The following TLL2 variants were observed in gnomAD, a reference collection of about 807,000 sequenced individuals.
The protein encoded by TLL2 is tolloid like 2, also known as tolloid-like protein 2.
A neutral mutation model predicts 123.0 loss-of-function variants in TLL2; 106 were observed. The ratio of observed to expected loss-of-function variants is 0.86; its 90% CI spans 0.74 to 1.01. The LOEUF (loss-of-function observed/expected upper bound fraction) is 1.01, where lower values mean the gene tolerates loss of function less well. TLL2 is among the 50% of genes least tolerant of loss of function. The pLI, the probability that TLL2 is intolerant of heterozygous loss-of-function variation, is 0.00. For synonymous variants in TLL2, 494 were observed against 516.8 expected, an observed-to-expected ratio of 0.96 and a Z score of 0.60; for missense variants, 1,332 against 1,336.7, an observed-to-expected ratio of 1.00 and a Z score of 0.06.
rs182605576 is a variant in TLL2 at position 96,426,537 on chromosome 10, G to A, written c.638+2094C>T. ...ATTCACCTGTGAAACTCTGGGTCTG[G>A]TGCTTTGTGGGAGATGGCTTTTTCC... On this transcript the variant is annotated intron_variant, in intron 5 of 20. Coordinates refer to ENST00000357947, the MANE Select transcript of TLL2 (RefSeq NM_012465.4). Among the ~76,000 whole-genome samples the A allele has an allele frequency of 6.6e-5, 10 of 152,276 alleles. 1 individual carries two copies. In the East Asian group the frequency reaches 1.7e-3, roughly 26 times the overall value.
At position 96,509,934 on chromosome 10, in the gene TLL2, G is replaced by A. The variant is rs182839825; in HGVS notation, c.175+3577C>T. Among the ~76,000 whole-genome samples, 319 of 152,200 alleles carry A rather than the reference G, an allele frequency of 2.1e-3. 1 individual carries two copies. Among genetic ancestry groups the A allele is most frequent in the African/African-American group, 6.5e-3 (269 of 41,560 alleles). ...TGCACTCCAGCCTGGGCGACAGAGCGAGACTCCGTCTCAAAAAAGTAAATA... is the reference window on the plus strand; with the variant it reads ...TGCACTCCAGCCTGGGCGACAGAGCAAGACTCCGTCTCAAAAAAGTAAATA... On this transcript the variant is annotated intron_variant, in intron 1 of 20. Coordinates refer to ENST00000357947, the MANE Select transcript of TLL2 (RefSeq NM_012465.4).
chr10:96,513,436 G>C (rs1847651465), intron 1 of TLL2, 75 bp downstream of exon 1: 3 of 1,588,448 alleles, frequency 1.9e-6, no homozygotes, highest in African/African-American at 1.3e-5. Context: ...ATAGACGGTA[G>C]TGCAGGCTTG....
intron 4 of TLL2, among the ~76,000 whole-genome samples, chr10:96,431,536 A>G (rs1846740192): frequency 6.6e-6 from 1 of 152,154 alleles, no homozygotes; most frequent in African/African-American, 2.4e-5. Context: ...GTCTCTCGGT[A>G]TGGCTTGTCA....
intron 18 of TLL2, 91 bp from the exon 19 acceptor site, chr10:96,373,900 G>C (rs1173434128): frequency 2.6e-6 from 3 of 1,138,168 alleles, no homozygotes; most frequent in Non-Finnish European, 3.8e-6. Context: ...GAAGGGGCGA[G>C]GCAGTGCAGG....
intron 2 of TLL2, among the ~76,000 whole-genome samples, chr10:96,457,633 G>A (rs1007436407): frequency 4.6e-5 from 7 of 152,272 alleles, no homozygotes; most frequent in South Asian, 2.1e-4. Context: ...GTTTCTAAGC[G>A]GGGTGCTTTC....
chr10:96,410,032 T>C (rs1310610513), intron 9 of TLL2, among the ~76,000 whole-genome samples: 2 of 152,176 alleles, frequency 1.3e-5, no homozygotes, highest in Non-Finnish European at 2.9e-5. Flanking sequence ...GCTCCCCGTG[T>C]CACCATCTTC....
intron 3 of TLL2, among the ~76,000 whole-genome samples, chr10:96,445,281 C>A (rs1846887738): frequency 6.6e-6 from 1 of 152,334 alleles, no homozygotes; most frequent in Non-Finnish European, 1.5e-5. Context: ...AGGATGCAGG[C>A]CAGACGGGAA....
Position 96,386,094 on chromosome 10 carries a change from G to A in TLL2, c.1974C>T (p.Ile658=). 1 of 1,609,620 alleles carries A rather than the reference G, an allele frequency of 6.2e-7. No individual in the cohort carries two copies. The highest frequency in any genetic ancestry group is 8.5e-7 in the Non-Finnish European group (1 of 1,178,178). ...WQVVAPAQYR[I]SLQFEVFELE... ...GTTCAAACACTTCAAACTGAAGGGA[G>A]ATCCGGTACTGAGCGGGGGCCACCA... The change falls in exon 15 of 21, where the codon ATC becomes ATT. Residue 658 remains isoleucine, a synonymous_variant. Transcript: ENST00000357947.
intron 4 of TLL2, 149 bp from the exon 5 acceptor site, chr10:96,428,897 T>C (rs1846708083): frequency 3.5e-6 from 2 of 576,152 alleles, no homozygotes; most frequent in Admixed American, 3.2e-5. Context: ...TTCTGCCTCC[T>C]GGGTTCAAGC....
intron 3 of TLL2, among the ~76,000 whole-genome samples, chr10:96,437,636 T>TG (rs1436587024): frequency 1.3e-5 from 2 of 152,200 alleles, no homozygotes; most frequent in Non-Finnish European, 2.9e-5. Context: ...GAATATCATA[T>TG]AAATAGAATC....
At chr10:96,479,541 A>C (rs1021746680) in intron 2 of TLL2, among the ~76,000 whole-genome samples, 1 of 152,342 alleles carries the variant, frequency 6.6e-6, no homozygotes, top group Admixed American at 6.5e-5. Flanking sequence ...AAGCTGCCCA[A>C]GCAGGCAGCC....
intron 1 of TLL2, among the ~76,000 whole-genome samples, chr10:96,484,045 T>C (rs1847335814): frequency 6.6e-6 from 1 of 152,206 alleles, no homozygotes; most frequent in Admixed American, 6.5e-5. Context: ...GGTTTCACCA[T>C]GTTGGCCAGG....
At position 96,375,809 on chromosome 10, in the gene TLL2, A is replaced by G. The variant is rs116908556; in HGVS notation, c.2448+883T>C. Among the ~76,000 whole-genome samples the G allele has an allele frequency of 6.9e-3, 1,052 of 152,158 alleles. 11 individuals are homozygous for G. The highest frequency in any genetic ancestry group is 0.011 in the Non-Finnish European group (724 of 67,990). ...GACTTTTCCCTCTCTGTTCTCTTCC[A>G]TTCTCCCTGAGTTATCGTCCACAGT... On this transcript the variant is annotated intron_variant, in intron 18 of 20. Coordinates refer to ENST00000357947, the MANE Select transcript of TLL2 (RefSeq NM_012465.4).
rs1026661282 is a variant in TLL2 at position 96,480,345 on chromosome 10, C to T, written c.286+4G>A. ...GGCAGGAGAAGGGAGGAAGCAGTAC[C>T]TACCTGTGCTGTGTCCTGTTGCCCC... On this transcript the variant is annotated splice_donor_region_variant and intron_variant, in intron 2 of 20. Transcript: ENST00000357947. 1.2e-6 allele frequency: 2 copies of T among 1,613,536 alleles called. No homozygotes were observed. The highest frequency in any genetic ancestry group is 1.1e-5 in the South Asian group (1 of 91,068).
chr10:96,418,904 C>A (rs1307096759), intron 7 of TLL2, among the ~76,000 whole-genome samples: 1 of 151,478 alleles, frequency 6.6e-6, no homozygotes, highest in African/African-American at 2.4e-5. Context: ...AGAGTTATGG[C>A]AGCTACAGAA....
intron 9 of TLL2, 89 bp downstream of exon 9, chr10:96,410,270 G>GTTATTTTTTT: frequency 1.1e-6 from 1 of 939,144 alleles, no homozygotes; most frequent in Non-Finnish European, 1.6e-6. Context: ...CCGAACAGCT[G>GTTATTTTTTT]TTATTTTTAC....
chr10:96,391,820 T>C (rs1327175231), intron 13 of TLL2, among the ~76,000 whole-genome samples: 2 of 152,236 alleles, frequency 1.3e-5, no homozygotes, highest in Non-Finnish European at 2.9e-5. Flanking sequence ...TGTTGTTCTC[T>C]GCAGTTGTTT....
At chr10:96,495,218 T>G (rs1234272184) in intron 1 of TLL2, among the ~76,000 whole-genome samples, 1 of 152,112 alleles carries the variant, frequency 6.6e-6, no homozygotes, top group Non-Finnish European at 1.5e-5. Context: ...TTGGAATTCC[T>G]CTCAGGAAAC....
chr10:96,378,819 T>C lies in TLL2; in HGVS notation c.2320+148A>G, dbSNP rs1281722399. 4.6e-6 allele frequency: 5 copies of C among 1,079,918 alleles called. No individual in the cohort carries two copies. In the African/African-American group the frequency reaches 4.7e-5, roughly 10 times the overall value. The allele number at this position is 1,079,918 out of a possible 1,614,324, so 66.9% of individuals were successfully genotyped here. On this transcript the variant is annotated intron_variant, in intron 17 of 20. Coordinates refer to ENST00000357947, the MANE Select transcript of TLL2 (RefSeq NM_012465.4). ...AGGAGCGAGATGCCCTGGGGAAAAC[T>C]CTCCCGCAAGGACAGCAGTTGCTGG... is the stretch of plus-strand genomic sequence containing the variant.
Sources: gnomAD v4.1 joint callset for allele counts (sites outside exome capture counted in the v4.1 genomes callset) on GRCh38, gnomAD v4.1.1 for gene constraint, MANE v1.5 for transcripts, NCBI Gene and HGNC (gene_info 2026-07-23, HGNC 2026-07-21) for gene names.